Variants in MED24 observed in about 807,000 individuals in gnomAD.
MED24 encodes mediator complex subunit 24, also known as mediator of RNA polymerase II transcription subunit 24.
In MED24, 74 loss-of-function variants were observed where a neutral mutation model predicts 118.8. The observed-to-expected ratio is 0.62, with a 90% CI of 0.52 to 0.76. The LOEUF (loss-of-function observed/expected upper bound fraction) is 0.76, where lower values mean the gene tolerates loss of function less well. Among genes scored for constraint, MED24 ranks in the 30% least tolerant of loss-of-function variants. The probability of loss-of-function intolerance (pLI) is 0.00; values close to 1 mark genes in which losing one functional copy is unlikely to be tolerated. For missense variants in MED24, 1,041 were observed against 1,278.9 expected, an observed-to-expected ratio of 0.81 and a Z score of 2.84; for synonymous variants, 521 against 523.9, an observed-to-expected ratio of 0.99 and a Z score of 0.08.
chr17:40,019,443 G>A lies in MED24; in HGVS notation c.*86C>T, dbSNP rs1981667240. ...ACCATGTGGAGCGGATGTGAGGCAC[G>A]ATGCCTCATCTTTCCTCACTGCTTC... On this transcript the variant is annotated 3_prime_UTR_variant, in exon 26 of 26. Transcript: ENST00000394128. 3.6e-6 allele frequency: 4 copies of A among 1,121,684 alleles called. No homozygotes were observed. The highest frequency in any genetic ancestry group is 2.7e-5 in the South Asian group (2 of 75,142). The allele number at this position is 1,121,684 out of a possible 1,614,324, so 69.5% of individuals were successfully genotyped here. A position where few individuals can be genotyped will look rare whatever the true frequency, so the allele number is the denominator to read the frequency against.
At chr17:40,041,634 AC>A (rs1984573279) in intron 3 of MED24, among the ~76,000 whole-genome samples, 1 of 151,734 alleles carries the variant, frequency 6.6e-6, no homozygotes, top group Non-Finnish European at 1.5e-5. Context: ...CCACATCCCA[AC>A]CCTACTCTGC....
Position 40,021,984 on chromosome 17 carries a change from TCA to T in MED24, c.2592_2593del (p.Asn864LysfsTer120). ...GCTCGAAAGGATGTTGGCATCGTCC[TCA>T]TTAGAGCTCAGCAGTCGCATCAACT... On this transcript the variant is annotated frameshift_variant, in exon 23 of 26. Transcript: ENST00000394128. LOFTEE classifies it high-confidence loss of function. 1.2e-6 allele frequency: 2 copies of T among 1,609,008 alleles called. No homozygotes were observed. Among genetic ancestry groups the T allele is most frequent in the Non-Finnish European group, 1.7e-6 (2 of 1,177,670 alleles).
chr17:40,027,921 T>C lies in MED24; in HGVS notation c.1435A>G (p.Ser479Gly). 6.2e-7 allele frequency: 1 copy of C among 1,613,732 alleles called. No homozygotes were observed. The highest frequency in any genetic ancestry group is 2.2e-5 in the East Asian group (1 of 44,878). ...AGGGCTGACTTACTGCTTTCTTCGC[T>C]GCCATAGGTTGTGAATTCATTCAAA... ...INLNEFTTYG[S>G]EESTKPASVR... The change falls in exon 15 of 26, where the codon AGC (serine) becomes GGC (glycine). Residue 479 changes from serine to glycine, a missense_variant. By Grantham distance (56) the Ser-to-Gly change is moderately conservative. Coordinates refer to ENST00000394128, the MANE Select transcript of MED24 (RefSeq NM_014815.4).
At chr17:40,020,511 G>A (rs1339423109) in intron 23 of MED24, 158 bp from the exon 24 acceptor site, 1 of 1,507,688 alleles carries the variant, frequency 6.6e-7, no homozygotes, top group South Asian at 1.2e-5. Flanking sequence ...AGGGAGGCCA[G>A]GTACAGTGGC....
chr17:40,028,102 TTTTTGTTTTTTG>T, intron 14 of MED24, 156 bp from the exon 15 acceptor site: 1 of 741,194 alleles, frequency 1.3e-6, no homozygotes, highest in Non-Finnish European at 2.2e-6. Flanking sequence ...GTTTTTGTGG[TTTTTGTTTTTTG>T]TTTTTTTTTT....
At chr17:40,027,182 G>T in intron 16 of MED24, 148 bp from the exon 17 acceptor site, 1 of 1,136,554 alleles carries the variant, frequency 8.8e-7, no homozygotes, top group Non-Finnish European at 1.3e-6. Flanking sequence ...AGCCAGACGG[G>T]GGCAATGCTG....
chr17:40,040,312 C>T (rs574857276), intron 3 of MED24, among the ~76,000 whole-genome samples: 1 of 152,140 alleles, frequency 6.6e-6, no homozygotes, highest in African/African-American at 2.4e-5. Context: ...CTCCTGACCT[C>T]ATGATCCACC....
At chr17:40,039,235 A>C (rs956959529) in intron 3 of MED24, among the ~76,000 whole-genome samples, 5 of 152,240 alleles carry the variant, frequency 3.3e-5, no homozygotes, top group African/African-American at 1.2e-4. Context: ...GCTACTTCAG[A>C]GACCCAAAAA....
Position 40,027,483 on chromosome 17 carries a change from G to A in MED24, c.1448-18C>T. 6.2e-7 allele frequency: 1 copy of A among 1,603,252 alleles called. No homozygotes were observed. Among genetic ancestry groups the A allele is most frequent in the Non-Finnish European group, 8.5e-7 (1 of 1,174,538 alleles). ...CGGTTTGGCTGTGGAAGGACGGGAA[G>A]GCTGAGCTCCCAGACGAGGGCAGGG... On this transcript the variant is annotated intron_variant, in intron 15 of 25. Coordinates refer to ENST00000394128, the MANE Select transcript of MED24 (RefSeq NM_014815.4).
rs553665419 is a variant in MED24 at position 40,038,585 on chromosome 17, C to T, written c.214-2431G>A. The stretch of plus-strand genomic sequence containing the variant: ...AACTAGCCGGGCGTGGTGGCGCATG[C>T]CTGTAATCCCAGCTACTCAGGAGGC... On this transcript the variant is annotated intron_variant, in intron 3 of 25. Transcript: ENST00000394128. Among the ~76,000 whole-genome samples, 3 of 152,070 alleles carry T rather than the reference C, an allele frequency of 2.0e-5. No individual in the cohort carries two copies. In the East Asian group the frequency reaches 5.8e-4, roughly 29 times the overall value.
intron 3 of MED24, among the ~76,000 whole-genome samples, chr17:40,044,878 CA>C (rs5820328): frequency 0.35 from 39,586 of 113,556 alleles, 6,244 homozygotes; most frequent in Middle Eastern, 0.52. Flanking sequence ...GACTCCATCT[CA>C]AAAAAAAAAA....
intron 3 of MED24, among the ~76,000 whole-genome samples, chr17:40,039,781 A>ATTT (rs869107070): frequency 2.0e-4 from 26 of 127,708 alleles, no homozygotes; most frequent in African/African-American, 4.4e-4. Flanking sequence ...ACCATGCTTA[A>ATTT]TTTTTTTTTT....
rs1227211956 is a variant in MED24, at chr17:40,026,323, A to T, written c.1818T>A (p.Thr606=). 3 of 1,613,560 alleles carry T rather than the reference A, an allele frequency of 1.9e-6. No individual in the cohort carries two copies. The South Asian group carries it at 3.3e-5, about 18-fold the overall frequency. The change falls in exon 19 of 26, where the codon ACT becomes ACA. Residue 606 remains threonine (T), a synonymous_variant. Coordinates refer to ENST00000394128, the MANE Select transcript of MED24 (RefSeq NM_014815.4). Reference sequence around the variant, plus strand: ...TGCATACCTTCCCTTTGATGTTATCAGTGATTTTCTAGGGGAGACGGAAAG... The same window carrying T: ...TGCATACCTTCCCTTTGATGTTATCTGTGATTTTCTAGGGGAGACGGAAAG... ...VLAFESIQKI[T]DNIKGKVCSL...
chr17:40,044,604 A>G (rs948203496), intron 3 of MED24, among the ~76,000 whole-genome samples: 2 of 151,532 alleles, frequency 1.3e-5, no homozygotes, highest in Non-Finnish European at 2.9e-5. Flanking sequence ...GATTCTGGCC[A>G]GGCGCGGTGG....
chr17:40,039,182 A>G (rs1984276231), intron 3 of MED24, among the ~76,000 whole-genome samples: 2 of 152,230 alleles, frequency 1.3e-5, no homozygotes, highest in African/African-American at 4.8e-5. Context: ...CAAATTCTGA[A>G]TTCTGTTCAG....
rs898017581 is a variant in MED24, at chr17:40,032,170, C to T, written c.937-80G>A. The T allele has an allele frequency of 6.0e-6, 9 of 1,489,338 alleles. No individual in the cohort carries two copies. The African/African-American group carries it at 1.1e-4, about 18-fold the overall frequency. The allele number at this position is 1,489,338 out of a possible 1,614,324, so 92.3% of individuals were successfully genotyped here. ...CTACCCCTGAAGGCATCCCCCCGAA[C>T]CCCTGCTCCAGGAAGAGAGACAGGA... On this transcript the variant is annotated intron_variant, in intron 9 of 25. Transcript: ENST00000394128.
chr17:40,028,022 TCA>T, intron 14 of MED24, 76 bp from the exon 15 acceptor site: 1 of 1,429,270 alleles, frequency 7.0e-7, no homozygotes, highest in Non-Finnish European at 9.9e-7. Context: ...CTACACATGT[TCA>T]GAGAGCGATA....
At chr17:40,043,899 A>AAAAAAAAAAAAAAAAAC (rs1394242944) in intron 3 of MED24, among the ~76,000 whole-genome samples, 2 of 150,844 alleles carry the variant, frequency 1.3e-5, no homozygotes, top group Non-Finnish European at 3.0e-5. Context: ...TCAAAAAAAA[A>AAAAAAAAAAAAAAAAAC]AAAAACAAAG....
rs369715994 is a variant in MED24 at position 40,022,722 on chromosome 17, G to A, written c.2355C>T (p.Gly785=). ...DMQQVTLVLL[G]HILPGLLTDS... ...CAGTGAGCAGGCCAGGTAGGATGTG[G>A]CCCAGCAGGACCAGGGTCACTTGCT... Residue 785 remains glycine, a synonymous_variant, in exon 21 of 26, where the codon GGC becomes GGT. Transcript: ENST00000394128. The A allele has an allele frequency of 5.0e-6, 8 of 1,613,752 alleles. No homozygotes were observed. The African/African-American group carries it at 1.1e-4, about 22-fold the overall frequency.
Sources: gnomAD v4.1 joint callset for allele counts (sites outside exome capture counted in the v4.1 genomes callset) on GRCh38, gnomAD v4.1.1 for gene constraint, MANE v1.5 for transcripts, NCBI Gene and HGNC (gene_info 2026-07-23, HGNC 2026-07-21) for gene names.